The following SNUPN variants were observed in gnomAD, a reference collection of about 807,000 sequenced individuals.
SNUPN encodes the protein snurportin 1.
Under a neutral mutation model 39.2 loss-of-function variants are expected in SNUPN, and 31 were observed. The observed-to-expected ratio is 0.79, with a 90% CI of 0.59 to 1.07. The LOEUF is 1.07. Among genes scored for constraint, SNUPN ranks in the 50% least tolerant of loss-of-function variants. SNUPN has a pLI of 0.00. For missense variants in SNUPN, 382 were observed against 434.2 expected (o/e 0.88, Z 1.07); for synonymous variants, 132 against 159.0 (o/e 0.83, Z 1.28).
At chr15:75,626,255 T>C (rs1392171886), upstream of SNUPN, 1 of 152,304 alleles carries the variant, frequency 6.6e-6, no homozygotes, top group Admixed American at 6.5e-5. Context: ...TACTGCCTGT[T>C]TGCTGCTTTT....
intron 7 of SNUPN, among the ~76,000 whole-genome samples, chr15:75,601,910 T>C (rs543895382): frequency 1.9e-4 from 29 of 152,252 alleles, no homozygotes; most frequent in Middle Eastern, 3.4e-3. Flanking sequence ...TGAGATCTCA[T>C]TCTGTCACCC....
chr15:75,609,870 G>C lies in SNUPN; in HGVS notation c.408+20C>G. Reference sequence around the variant, plus strand: ...ACTACAGACCAGGCCTACTGGCATAGGGGGCAGGCAGCTACTCACCCTGGA... The same window carrying C: ...ACTACAGACCAGGCCTACTGGCATACGGGGCAGGCAGCTACTCACCCTGGA... On this transcript the variant is annotated intron_variant, in intron 4 of 8. Coordinates refer to ENST00000308588, the MANE Select transcript of SNUPN (RefSeq NM_005701.4). 2 of 1,579,256 alleles carry C rather than the reference G, an allele frequency of 1.3e-6. No individual in the cohort carries two copies. The highest frequency in any genetic ancestry group is 1.7e-6 in the Non-Finnish European group (2 of 1,148,594).
intron 1 of SNUPN, chr15:75,625,458 G>GC (rs1466117093): frequency 1.3e-5 from 2 of 151,856 alleles, no homozygotes; most frequent in African/African-American, 4.8e-5. Context: ...ATTCGCCCCT[G>GC]CCCCACAGAA....
At position 75,609,562 on chromosome 15, in the gene SNUPN, T is replaced by C; in HGVS notation, c.498A>G (p.Ala166=). Residue 166 remains alanine, a synonymous_variant, in exon 5 of 9, where the codon GCA becomes GCG. Transcript: ENST00000308588. ...GTAGACACTCTATGTAGGTACCTTT[T>C]GCTGTTGAGTTTCGCCTGTTGCCTC... is the stretch of plus-strand genomic sequence containing the variant. ...LPGGNRRNST[A]KDYTILDCIY... 1 of 1,612,512 alleles carries C rather than the reference T, an allele frequency of 6.2e-7. No individual in the cohort carries two copies. Among genetic ancestry groups the C allele is most frequent in the Non-Finnish European group, 8.5e-7 (1 of 1,178,472 alleles).
intron 8 of SNUPN, 100 bp downstream of exon 8, chr15:75,601,038 T>C (rs143462222): frequency 1.1e-6 from 1 of 916,730 alleles, no homozygotes; most frequent in African/African-American, 1.6e-5. Flanking sequence ...TTCTGATGCT[T>C]TGACACAGCA....
chr15:75,619,651 T>C (rs1893020331), intron 2 of SNUPN, among the ~76,000 whole-genome samples: 1 of 151,964 alleles, frequency 6.6e-6, no homozygotes, highest in Admixed American at 6.6e-5. Flanking sequence ...ATATATATAT[T>C]TGGAAGGATA....
Position 75,609,645 on chromosome 15 carries a change from T to TAGA in SNUPN, c.412_414dup (p.Ser138dup), listed in dbSNP as rs746848919. 2.5e-6 allele frequency: 4 copies of TAGA among 1,609,670 alleles called. No homozygotes were observed. The highest frequency in any genetic ancestry group is 2.5e-6 in the Non-Finnish European group (3 of 1,177,716). On this transcript the variant is annotated inframe_insertion, in exon 5 of 9. Coordinates refer to ENST00000308588, the MANE Select transcript of SNUPN (RefSeq NM_005701.4). ...TAGCCACTCTTGGTGTAGGCACTGG[T>TAGA]AGAACCCTGCATGGAGAGAAAGTTA...
At chr15:75,603,906 CA>C (rs1251085473) in intron 7 of SNUPN, among the ~76,000 whole-genome samples, 1 of 152,054 alleles carries the variant, frequency 6.6e-6, no homozygotes, top group Non-Finnish European at 1.5e-5. Flanking sequence ...CCCATTCTGC[CA>C]ATCATTTAAC....
chr15:75,620,483 T>G (rs545330352), intron 2 of SNUPN, among the ~76,000 whole-genome samples: 9 of 152,220 alleles, frequency 5.9e-5, no homozygotes, highest in South Asian at 4.1e-4. Flanking sequence ...ACAGAAACAT[T>G]TGGGCTGAAG....
chr15:75,610,818 T>G (rs903064130), intron 3 of SNUPN, among the ~76,000 whole-genome samples: 6 of 152,102 alleles, frequency 3.9e-5, no homozygotes, highest in African/African-American at 1.4e-4. Context: ...AACAGTGATG[T>G]GGTGAAATTA....
At chr15:75,602,140 G>A (rs1235668452) in intron 7 of SNUPN, among the ~76,000 whole-genome samples, 4 of 151,982 alleles carry the variant, frequency 2.6e-5, no homozygotes, top group Non-Finnish European at 4.4e-5. Flanking sequence ...CCCGGGAGGC[G>A]GAGCTTGCAG....
chr15:75,614,330 A>C (rs1892874031), intron 3 of SNUPN, among the ~76,000 whole-genome samples: 1 of 152,058 alleles, frequency 6.6e-6, no homozygotes, highest in Non-Finnish European at 1.5e-5. Flanking sequence ...AAAACAAATA[A>C]AAATGGCATT....
chr15:75,609,396 A>C (rs192849967), intron 5 of SNUPN, among the ~76,000 whole-genome samples, 162 bp downstream of exon 5: 52 of 151,922 alleles, frequency 3.4e-4, no homozygotes, highest in African/African-American at 1.1e-3. Context: ...TCACCTTGTT[A>C]GCCAGGATGG....
chr15:75,607,276 G>A lies in SNUPN; in HGVS notation c.540C>T (p.Asn180=), dbSNP rs745619884. 5 of 1,613,596 alleles carry A rather than the reference G, an allele frequency of 3.1e-6. No individual in the cohort carries two copies. In the African/African-American group the frequency reaches 5.3e-5, roughly 17 times the overall value. The change falls in exon 6 of 9, where the codon AAC becomes AAT. Residue 180 remains asparagine (N), a synonymous_variant. Transcript: ENST00000308588. The stretch of plus-strand genomic sequence containing the variant: ...TCACATCCAGAACGTAGTAGGTCTG[G>A]TTTACCTCATTGTAAATGCAATCTA... ...TILDCIYNEV[N]QTYYVLDVMC...
intron 1 of SNUPN, among the ~76,000 whole-genome samples, chr15:75,623,980 T>C (rs1893147123): frequency 7.1e-6 from 1 of 141,578 alleles, no homozygotes; most frequent in Admixed American, 7.3e-5. Flanking sequence ...CAGGCTGGAG[T>C]GCAGTGGCGG....
chr15:75,620,012 G>T (rs774382646), intron 2 of SNUPN, among the ~76,000 whole-genome samples: 4 of 152,142 alleles, frequency 2.6e-5, no homozygotes, highest in Non-Finnish European at 5.9e-5. Context: ...GCCACCCAAA[G>T]TGCTGGGATT....
At chr15:75,623,781 G>A (rs1325419590) in intron 1 of SNUPN, among the ~76,000 whole-genome samples, 1 of 151,912 alleles carries the variant, frequency 6.6e-6, no homozygotes, top group African/African-American at 2.4e-5. Flanking sequence ...TGCAACCAAG[G>A]GTTGCCATTC....
rs1422482056 is a variant in SNUPN, at chr15:75,617,467, CT to C, written c.243del (p.Asp82MetfsTer21). ...GTGTCAATGTCCATTTCTTCATCAT[CT>C]TTCTTATTTTCTTCCTCACTCTCCA... ...TGMESEEENK[K>X]DDEEMDIDTV... On this transcript the variant is annotated frameshift_variant, in exon 3 of 9. Transcript: ENST00000308588. LOFTEE classifies it high-confidence loss of function. The C allele has an allele frequency of 6.2e-7, 1 of 1,613,916 alleles. No homozygotes were observed. The highest frequency in any genetic ancestry group is 8.5e-7 in the Non-Finnish European group (1 of 1,180,008).
At position 75,624,740 on chromosome 15, in the gene SNUPN, G is replaced by A. The variant is rs188042877; in HGVS notation, c.-6+926C>T. The stretch of plus-strand genomic sequence containing the variant: ...CTTCCTTCAAGGCTGTTCTTGGCGG[G>A]TTCCTGCTGTTTCGTTTTGTTTTTT... On this transcript the variant is annotated intron_variant, in intron 1 of 8. Transcript: ENST00000308588. 8.2e-4 allele frequency: 1,048 copies of A among 1,279,912 alleles called. 4 individuals carry two copies. The highest frequency in any genetic ancestry group is 7.7e-4 in the Non-Finnish European group (761 of 985,666). 79.3% of individuals were successfully genotyped at this position (1,279,912 alleles called of 1,614,324 possible). A position where few individuals can be genotyped will look rare whatever the true frequency, so the allele number is the denominator to read the frequency against.
Sources: allele counts gnomAD v4.1 joint callset (sites outside exome capture counted in the v4.1 genomes callset), GRCh38; gene constraint gnomAD v4.1.1; transcripts MANE v1.5; gene names NCBI Gene and HGNC (gene_info 2026-07-23, HGNC 2026-07-21).